AGTR1: variants seen among roughly 807,000 people sequenced by gnomAD.
AGTR1 encodes the protein type-1 angiotensin II receptor.
AGTR1 carries 16 observed loss-of-function variants against 19.4 expected under a neutral mutation model. That is an observed-to-expected ratio of 0.82 (90% CI 0.56 to 1.25). The LOEUF (loss-of-function observed/expected upper bound fraction) is 1.25, where lower values mean the gene tolerates loss of function less well. Among genes scored for constraint, AGTR1 ranks in the 50% most tolerant of loss-of-function variants. The probability of loss-of-function intolerance (pLI) is 0.00; values close to 1 mark genes in which losing one functional copy is unlikely to be tolerated. For synonymous variants in AGTR1, 153 were observed against 154.9 expected, an observed-to-expected ratio of 0.99 and a Z score of 0.09; for missense variants, 373 against 431.9, an observed-to-expected ratio of 0.86 and a Z score of 1.21.
intron 2 of AGTR1, among the ~76,000 whole-genome samples, chr3:148,740,398 C>T (rs12721319): frequency 1.3e-5 from 2 of 152,178 alleles, no homozygotes; most frequent in Non-Finnish European, 2.9e-5. Context: ...TCCTCAAAGT[C>T]GAGCCCTACC....
chr3:148,723,584 G>GT (rs1334339450), intron 2 of AGTR1, among the ~76,000 whole-genome samples: 5 of 152,308 alleles, frequency 3.3e-5, no homozygotes, highest in Non-Finnish European at 7.3e-5. Context: ...TCTAAGAGAT[G>GT]TAACAGTATG....
chr3:148,725,148 G>A (rs1488512667), intron 2 of AGTR1, among the ~76,000 whole-genome samples: 1 of 152,100 alleles, frequency 6.6e-6, no homozygotes, highest in Admixed American at 6.5e-5. Context: ...AATACTAGGG[G>A]AGCTGTAGGC....
chr3:148,740,071 G>A (rs1324632053), intron 2 of AGTR1: 1 of 990,520 alleles, frequency 1.0e-6, no homozygotes, highest in South Asian at 5.2e-5. Context: ...CTTGACTGTT[G>A]ATTATGTAGA....
intron 2 of AGTR1, among the ~76,000 whole-genome samples, chr3:148,732,404 G>GTTAA (rs1205176716): frequency 6.6e-6 from 1 of 152,160 alleles, no homozygotes; most frequent in Non-Finnish European, 1.5e-5. Flanking sequence ...TTGAGTAATA[G>GTTAA]TTAATTTTTT....
chr3:148,706,989 T>C (rs1327589711), intron 1 of AGTR1, among the ~76,000 whole-genome samples: 1 of 151,932 alleles, frequency 6.6e-6, no homozygotes, highest in Non-Finnish European at 1.5e-5. Flanking sequence ...AAAGTGCATA[T>C]ATGTAAATAT....
In AGTR1 at chr3:148,741,629, C is replaced by CA. The variant is rs1559934279; in HGVS notation, c.599dup (p.Asn200LysfsTer28). 4 of 1,613,948 alleles carry CA rather than the reference C, an allele frequency of 2.5e-6. No individual in the cohort carries two copies. In the Admixed American group the frequency reaches 5.0e-5, roughly 20 times the overall value. Reference sequence around the variant, plus strand: ...CCCTCCCGATAGGGCTGGGCCTGACCAAAAATATACTGGGTTTCCTGTTTC... The same window carrying CA: ...CCCTCCCGATAGGGCTGGGCCTGACCAAAAAATATACTGGGTTTCCTGTTTC... On this transcript the variant is annotated frameshift_variant, in exon 3 of 3. Transcript: ENST00000349243. LOFTEE classifies it high-confidence loss of function.
At chr3:148,733,939 C>A (rs571064090) in intron 2 of AGTR1, among the ~76,000 whole-genome samples, 4 of 152,144 alleles carry the variant, frequency 2.6e-5, no homozygotes, top group African/African-American at 9.6e-5. Flanking sequence ...ACTAACATGT[C>A]GAAGGAAGAT....
rs1559930398 is a variant in AGTR1, at chr3:148,731,460, T to TATTTCTGCTGAACTTCCGAATAAAAAA, written c.-47-9524_-47-9498dup. The TATTTCTGCTGAACTTCCGAATAAAAAA allele has an allele frequency of 4.6e-5, 7 of 152,340 alleles. No homozygotes were observed. In the East Asian group the frequency reaches 1.3e-3, roughly 29 times the overall value. The allele number at this position is 152,340 out of a possible 1,614,324, so 9.4% of individuals were successfully genotyped here. Reference sequence around the variant, plus strand: ...AAAACATTATTATAATAATGAAAAATATTTCTGCTGAACTTCCGAATAAAA... The same window carrying TATTTCTGCTGAACTTCCGAATAAAAAA: ...AAAACATTATTATAATAATGAAAAATATTTCTGCTGAACTTCCGAATAAAAAAATTTCTGCTGAACTTCCGAATAAAA... On this transcript the variant is annotated intron_variant, in intron 2 of 2. Coordinates refer to ENST00000349243, the MANE Select transcript of AGTR1 (RefSeq NM_000685.5).
intron 2 of AGTR1, among the ~76,000 whole-genome samples, chr3:148,735,914 C>T (rs1304498509): frequency 6.6e-6 from 1 of 152,206 alleles, no homozygotes; most frequent in South Asian, 2.1e-4. Context: ...CATTTTCCTA[C>T]TCTTTTTGAT....
At chr3:148,705,257 A>AT (rs142221336) in intron 1 of AGTR1, among the ~76,000 whole-genome samples, 1 of 152,048 alleles carries the variant, frequency 6.6e-6, no homozygotes, top group Admixed American at 6.5e-5. Context: ...GTAGCATAGC[A>AT]TTTTTTTCTA....
chr3:148,742,827 G>A lies in AGTR1; in HGVS notation c.*712G>A, dbSNP rs1714995836. On this transcript the variant is annotated 3_prime_UTR_variant, in exon 3 of 3. Transcript: ENST00000349243. The stretch of plus-strand genomic sequence containing the variant: ...TATATTAGTTTGATTTAATATCTGA[G>A]AAGTGTATATAGTTTGTGGTAAAAA... 1 of 167,656 alleles carries A rather than the reference G, an allele frequency of 6.0e-6. No homozygotes were observed. Among genetic ancestry groups the A allele is most frequent in the Non-Finnish European group, 1.5e-5 (1 of 68,638 alleles). The allele number at this position is 167,656 out of a possible 1,614,324, so 10.4% of individuals were successfully genotyped here.
chr3:148,732,992 G>A (rs1406821362), intron 2 of AGTR1, among the ~76,000 whole-genome samples: 1 of 151,780 alleles, frequency 6.6e-6, no homozygotes, highest in African/African-American at 2.4e-5. Context: ...CGCCCGCCTC[G>A]GCCTCCCAAA....
chr3:148,700,168 T>C (rs1439132223), intron 1 of AGTR1, among the ~76,000 whole-genome samples: 1 of 152,138 alleles, frequency 6.6e-6, no homozygotes, highest in Non-Finnish European at 1.5e-5. Context: ...TGAGTATTTG[T>C]GTATATAATT....
chr3:148,722,910 C>T (rs1346768874), intron 2 of AGTR1, among the ~76,000 whole-genome samples: 1 of 152,206 alleles, frequency 6.6e-6, no homozygotes. Context: ...TTCTTCCAGC[C>T]AACCAAGCAA....
intron 2 of AGTR1, among the ~76,000 whole-genome samples, chr3:148,737,894 A>T (rs1714658055): frequency 6.6e-6 from 1 of 152,190 alleles, no homozygotes; most frequent in South Asian, 2.1e-4. Flanking sequence ...ATGATCCCCT[A>T]GCTGTTCAAA....
At chr3:148,739,193 T>G (rs993134376) in intron 2 of AGTR1, among the ~76,000 whole-genome samples, 2 of 152,054 alleles carry the variant, frequency 1.3e-5, no homozygotes, top group Non-Finnish European at 2.9e-5. Flanking sequence ...ACCCCGTCTC[T>G]ACTAAAAATA....
intron 2 of AGTR1, among the ~76,000 whole-genome samples, chr3:148,730,788 C>CT (rs1714211390): frequency 6.6e-6 from 1 of 152,148 alleles, no homozygotes; most frequent in African/African-American, 2.4e-5. Flanking sequence ...ATTTACATCT[C>CT]TAACAAATTT....
intron 2 of AGTR1, among the ~76,000 whole-genome samples, chr3:148,721,204 T>G (rs1483608930): frequency 2.0e-5 from 3 of 152,214 alleles, no homozygotes; most frequent in African/African-American, 7.2e-5. Context: ...AAAATGTTCA[T>G]TCAGCTCCAG....
intron 1 of AGTR1, among the ~76,000 whole-genome samples, chr3:148,704,104 G>A (rs1008584375): frequency 2.6e-5 from 4 of 152,080 alleles, no homozygotes; most frequent in African/African-American, 7.2e-5. Context: ...GCTCAGACCT[G>A]TAATCCCAGC....
Sources: gnomAD v4.1 joint callset for allele counts (sites outside exome capture counted in the v4.1 genomes callset) on GRCh38, gnomAD v4.1.1 for gene constraint, MANE v1.5 for transcripts, NCBI Gene and HGNC (gene_info 2026-07-23, HGNC 2026-07-21) for gene names.